Variants in GIPC1 observed in about 807,000 individuals in gnomAD.
The protein encoded by GIPC1 is PDZ domain-containing protein GIPC1.
GIPC1 carries 15 observed loss-of-function variants against 28.5 expected under a neutral mutation model. The ratio of observed to expected loss-of-function variants is 0.53; its 90% CI spans 0.35 to 0.81. The LOEUF is 0.81. GIPC1 is among the 30% of genes least tolerant of loss of function. The probability of loss-of-function intolerance (pLI) is 0.01; values close to 1 mark genes in which losing one functional copy is unlikely to be tolerated. For missense variants in GIPC1, 439 were observed against 481.9 expected, an observed-to-expected ratio of 0.91 and a Z score of 0.83; for synonymous variants, 224 against 206.1, an observed-to-expected ratio of 1.09 and a Z score of -0.74.
chr19:14,495,464 C>G (rs894205017), intron 1 of GIPC1, among the ~76,000 whole-genome samples: 2 of 152,074 alleles, frequency 1.3e-5, no homozygotes, highest in Admixed American at 6.6e-5. Flanking sequence ...GCTGTGTGAC[C>G]TTGGGCAAGT....
rs1173507914 is a variant in GIPC1 at position 14,480,366 on chromosome 19, G to C, written c.594C>G (p.Leu198=). ...AGGTACGGCCTCGGGGCAGCTCCTT[G>C]AGCAGCCGGGCCACCTCGTAGTGCC... ...GCRHYEVARL[L]KELPRGRTFT... is the part of the protein sequence containing the mutation. The change falls in exon 6 of 9, where the codon CTC becomes CTG. Residue 198 remains leucine, a synonymous_variant. Coordinates refer to ENST00000393033, the MANE Select transcript of GIPC1 (RefSeq NM_005716.4). 4 of 1,612,514 alleles carry C rather than the reference G, an allele frequency of 2.5e-6. No homozygotes were observed. Among genetic ancestry groups the C allele is most frequent in the Non-Finnish European group, 3.4e-6 (4 of 1,179,898 alleles).
chr19:14,481,239 T>C (rs2146464209), intron 4 of GIPC1, among the ~76,000 whole-genome samples: 1 of 152,302 alleles, frequency 6.6e-6, no homozygotes, highest in Admixed American at 6.5e-5. Context: ...CCCGAGTAGC[T>C]GGGACCACAG....
At chr19:14,482,499 A>AG in intron 4 of GIPC1, 190 bp downstream of exon 4, 1 of 623,542 alleles carries the variant, frequency 1.6e-6, no homozygotes, top group Non-Finnish European at 2.8e-6. Context: ...CACAATTCAC[A>AG]GGGGCACAAG....
At position 14,496,074 on chromosome 19, in the gene GIPC1, G is replaced by GCCA. The variant is rs1348898275; in HGVS notation, c.-213_-212insTGG. 8.3e-6 allele frequency: 2 copies of GCCA among 240,464 alleles called. No homozygotes were observed. The highest frequency in any genetic ancestry group is 1.5e-5 in the Non-Finnish European group (2 of 129,546). 14.9% of individuals were successfully genotyped at this position (240,464 alleles called of 1,614,324 possible). ...CGCCGCCGCCGCCGCCGCCGCCGCC[G>GCCA]CTGCCTCCGCCTCCCCGTGCGCACC... is the stretch of plus-strand genomic sequence containing the variant. On this transcript the variant is annotated 5_prime_UTR_variant, in exon 1 of 9. Coordinates refer to ENST00000393033, the MANE Select transcript of GIPC1 (RefSeq NM_005716.4).
At position 14,478,145 on chromosome 19, in the gene GIPC1, G is replaced by T; in HGVS notation, c.*271C>A. The T allele has an allele frequency of 2.4e-6, 1 of 424,568 alleles. No individual in the cohort carries two copies. Among genetic ancestry groups the T allele is most frequent in the Non-Finnish European group, 4.2e-6 (1 of 235,620 alleles). 26.3% of individuals were successfully genotyped at this position (424,568 alleles called of 1,614,324 possible). A position where few individuals can be genotyped will look rare whatever the true frequency, so the allele number is the denominator to read the frequency against. ...GGAGGCGGGGGTGGCCGCCCAATTTGGCTGATCCCTCCCCTCCCTGTGCCT... is the reference window on the plus strand; with the variant it reads ...GGAGGCGGGGGTGGCCGCCCAATTTTGCTGATCCCTCCCCTCCCTGTGCCT... On this transcript the variant is annotated 3_prime_UTR_variant, in exon 9 of 9. Coordinates refer to ENST00000393033, the MANE Select transcript of GIPC1 (RefSeq NM_005716.4). This position sits in a 1 kb window ranked among gnomAD's most constrained non-coding sequence, Gnocchi z 5.2.
chr19:14,492,938 ACT>A (rs2146495351), intron 1 of GIPC1, 26 bp from the exon 2 acceptor site: 1 of 152,172 alleles, frequency 6.6e-6, no homozygotes, highest in East Asian at 1.9e-4. Flanking sequence ...AATTCCTGTC[ACT>A]CTCAAGGTGG....
At chr19:14,480,053 G>T in intron 6 of GIPC1, 1 of 586,326 alleles carries the variant, frequency 1.7e-6, no homozygotes, top group Non-Finnish European at 3.1e-6. Context: ...GGCTGAGGGC[G>T]CTTGGCTGGG....
intron 3 of GIPC1, among the ~76,000 whole-genome samples, chr19:14,485,722 G>T (rs991645435): frequency 0.014 from 1,925 of 134,280 alleles, 66 homozygotes; most frequent in East Asian, 0.063. Flanking sequence ...GAGAGAGAGA[G>T]AGAGAGAGAG....
chr19:14,483,831 TTG>T (rs1292399969), intron 3 of GIPC1, among the ~76,000 whole-genome samples: 1 of 151,530 alleles, frequency 6.6e-6, no homozygotes, highest in East Asian at 1.9e-4. Flanking sequence ...GTGACCTTCC[TTG>T]TGTGTTTCAT....
intron 1 of GIPC1, among the ~76,000 whole-genome samples, chr19:14,494,675 G>A (rs1243861923): frequency 1.3e-5 from 2 of 152,158 alleles, no homozygotes; most frequent in African/African-American, 4.8e-5. Context: ...GAATGAATGT[G>A]TCTCAGGTCC....
At chr19:14,486,731 A>C (rs1181568140) in intron 3 of GIPC1, among the ~76,000 whole-genome samples, 1 of 54,652 alleles carries the variant, frequency 1.8e-5, no homozygotes, top group Non-Finnish European at 4.0e-5. Flanking sequence ...TTTTTTTTTG[A>C]GACAGAGTCT....
chr19:14,480,604 C>A lies in GIPC1; in HGVS notation c.463G>T (p.Ala155Ser), dbSNP rs748223407. 1 of 1,613,860 alleles carries A rather than the reference C, an allele frequency of 6.2e-7. No homozygotes were observed. ...LTITDNGAGY[A>S]FIKRIKEGSV... ...GTCTCCCCAGGCACCTTGATGAAGG[C>A]GTAGCCAGCCCCGTTGTCCGTGATG... Residue 155 changes from alanine to serine, a missense_variant, in exon 5 of 9, where the codon GCC becomes TCC. Physicochemically the swap from Ala to Ser is moderately conservative, Grantham distance 99 (BLOSUM62 1). Transcript: ENST00000393033.
intron 6 of GIPC1, 157 bp downstream of exon 6, chr19:14,480,148 C>G: frequency 1.5e-6 from 1 of 645,846 alleles, no homozygotes; most frequent in South Asian, 1.9e-5. Flanking sequence ...GCCAGCACCC[C>G]GTCTGGGGTC....
At chr19:14,489,482 G>A (rs138492990) in intron 3 of GIPC1, 16,081 of 951,010 alleles carry the variant, frequency 0.017, 271 homozygotes, top group East Asian at 0.072. Flanking sequence ...GGAATATTGC[G>A]GGGATTTGAT....
intron 7 of GIPC1, among the ~76,000 whole-genome samples, chr19:14,479,077 G>C (rs2071665594): frequency 6.6e-6 from 1 of 152,152 alleles, no homozygotes; most frequent in Admixed American, 6.5e-5. Context: ...GGGCGCGGTG[G>C]CTCATGCCTA....
At position 14,491,712 on chromosome 19, in the gene GIPC1, G is replaced by A. The variant is rs201432194; in HGVS notation, c.-87C>T. On this transcript the variant is annotated 5_prime_UTR_variant, in exon 3 of 9. Transcript: ENST00000393033. ...CCCAGCTTCCACCCTCACCCCCTACGACTTCTTGTCCAGACAGCAGCCAGA... is the reference window on the plus strand; with the variant it reads ...CCCAGCTTCCACCCTCACCCCCTACAACTTCTTGTCCAGACAGCAGCCAGA... 61 of 152,426 alleles carry A rather than the reference G, an allele frequency of 4.0e-4. 1 individual carries two copies. Among genetic ancestry groups the A allele is most frequent in the South Asian group, 3.7e-3 (18 of 4,830 alleles). 9.4% of individuals were successfully genotyped at this position (152,426 alleles called of 1,614,324 possible).
chr19:14,489,482 G>T (rs138492990), intron 3 of GIPC1: 2 of 951,316 alleles, frequency 2.1e-6, no homozygotes, highest in Non-Finnish European at 3.5e-6. Flanking sequence ...GGAATATTGC[G>T]GGGATTTGAT....
chr19:14,487,685 C>CTTTTTTTTTTTTTT lies in GIPC1; in HGVS notation c.-31+3970_-31+3971insAAAAAAAAAAAAAA, dbSNP rs34048955. Reference sequence around the variant, plus strand: ...AATATAAATTTTTTCCTTTATTTTCCTTTTTTTTTTTGACAGAGTCTTGCT... The same window carrying CTTTTTTTTTTTTTT: ...AATATAAATTTTTTCCTTTATTTTCCTTTTTTTTTTTTTTTTTTTTTTTTTGACAGAGTCTTGCT... On this transcript the variant is annotated intron_variant, in intron 3 of 8. Coordinates refer to ENST00000393033, the MANE Select transcript of GIPC1 (RefSeq NM_005716.4). Among the ~76,000 whole-genome samples, 340 of 130,432 alleles carry CTTTTTTTTTTTTTT rather than the reference C, an allele frequency of 2.6e-3. 32 individuals are homozygous for CTTTTTTTTTTTTTT. Among genetic ancestry groups the CTTTTTTTTTTTTTT allele is most frequent in the African/African-American group, 8.7e-3 (286 of 32,766 alleles). 85.6% of individuals were successfully genotyped at this position (130,432 alleles called of 152,430 possible). A position where few individuals can be genotyped will look rare whatever the true frequency, so the allele number is the denominator to read the frequency against.
At position 14,486,269 on chromosome 19, in the gene GIPC1, C is replaced by G. The variant is rs2071841405; in HGVS notation, c.-30-3263G>C. Among the ~76,000 whole-genome samples the G allele has an allele frequency of 2.6e-5, 4 of 152,296 alleles. 1 individual carries two copies. The South Asian group carries it at 8.3e-4, about 32-fold the overall frequency. On this transcript the variant is annotated intron_variant, in intron 3 of 8. Coordinates refer to ENST00000393033, the MANE Select transcript of GIPC1 (RefSeq NM_005716.4). ...CATTGAACAGATGAGAAAATGGAGG[C>G]TGAAAGCGACTACGCTTCTATTTTC...
Sources: gnomAD v4.1 joint callset for allele counts (sites outside exome capture counted in the v4.1 genomes callset) on GRCh38, gnomAD v4.1.1 for gene constraint, Gnocchi (gnomAD v3.1) non-coding constraint, MANE v1.5 for transcripts, NCBI Gene and HGNC (gene_info 2026-07-23, HGNC 2026-07-21) for gene names.